The following PKIG variants were observed in gnomAD, a reference collection of about 807,000 sequenced individuals.
PKIG encodes protein kinase (cAMP-dependent, catalytic) inhibitor gamma.
In PKIG, 1 loss-of-function variant was observed where a neutral mutation model predicts 6.8. The ratio of observed to expected loss-of-function variants is 0.15; its 90% CI spans 0.05 to 0.69. The LOEUF is 0.69. Ranked by LOEUF, PKIG falls within the 30% of genes least tolerant of loss-of-function variation. The pLI is 0.82. For synonymous variants in PKIG, 39 were observed against 43.0 expected (o/e 0.91, Z 0.36); for missense variants, 77 against 104.0 (o/e 0.74, Z 1.13).
intron 1 of PKIG, among the ~76,000 whole-genome samples, chr20:44,552,462 A>C (rs1431762695): frequency 6.6e-6 from 1 of 152,100 alleles, no homozygotes. Flanking sequence ...CTTTCTTGAT[A>C]ATTGGAGTAG....
chr20:44,558,069 A>T (rs959109601), intron 1 of PKIG, among the ~76,000 whole-genome samples: 16 of 151,340 alleles, frequency 1.1e-4, no homozygotes, highest in South Asian at 4.1e-4. Flanking sequence ...TAATATTTTT[A>T]AAAAGGACAA....
chr20:44,532,243 C>T (rs1405802673), intron 1 of PKIG, among the ~76,000 whole-genome samples: 1 of 152,170 alleles, frequency 6.6e-6, no homozygotes, highest in East Asian at 1.9e-4. Flanking sequence ...AAAATCCCTT[C>T]TTGTTTGGGG....
At chr20:44,562,691 C>G (rs1273004891) in intron 1 of PKIG, among the ~76,000 whole-genome samples, 1 of 149,106 alleles carries the variant, frequency 6.7e-6, no homozygotes, top group African/African-American at 2.5e-5. Flanking sequence ...ACTATGAATA[C>G]TATGAATAAT....
chr20:44,587,717 A>T (rs1032890825), intron 1 of PKIG, among the ~76,000 whole-genome samples: 1 of 152,130 alleles, frequency 6.6e-6, no homozygotes, highest in Admixed American at 6.5e-5. Flanking sequence ...TCTGTTTTTG[A>T]ATAAGGGCCT....
At chr20:44,618,221 A>T in intron 3 of PKIG, 64 bp from the exon 4 acceptor site, 1 of 1,084,314 alleles carries the variant, frequency 9.2e-7, no homozygotes, top group East Asian at 2.4e-5. Context: ...GCCCTTTCAC[A>T]CCTCCTTCTG....
At chr20:44,563,059 A>G (rs2064781231) in intron 1 of PKIG, among the ~76,000 whole-genome samples, 1 of 152,208 alleles carries the variant, frequency 6.6e-6, no homozygotes, top group Non-Finnish European at 1.5e-5. Context: ...AAAAAAAAAC[A>G]GAAACCAAAT....
At chr20:44,550,756 G>GGA in intron 1 of PKIG, among the ~76,000 whole-genome samples, 2 of 152,174 alleles carry the variant, frequency 1.3e-5, no homozygotes, top group Non-Finnish European at 2.9e-5. Flanking sequence ...AACTGAGGCA[G>GGA]AGAGCGGGAC....
chr20:44,599,192 C>G (rs2065099342), intron 2 of PKIG, among the ~76,000 whole-genome samples: 1 of 152,082 alleles, frequency 6.6e-6, no homozygotes, highest in Non-Finnish European at 1.5e-5. Flanking sequence ...AAAAGAAGGT[C>G]AGAAAAGGGA....
chr20:44,552,030 G>A (rs1325150432), intron 1 of PKIG, among the ~76,000 whole-genome samples: 2 of 152,212 alleles, frequency 1.3e-5, no homozygotes, highest in Non-Finnish European at 2.9e-5. Flanking sequence ...AAAGGGACTT[G>A]AAGCAGACTC....
intron 2 of PKIG, among the ~76,000 whole-genome samples, chr20:44,595,774 A>G (rs1412545380): frequency 6.6e-6 from 1 of 152,084 alleles, no homozygotes; most frequent in Non-Finnish European, 1.5e-5. Flanking sequence ...GGCCTCCCAA[A>G]GTGCTGGGAT....
At chr20:44,610,492 T>TCACACACA (rs1568835327) in intron 2 of PKIG, among the ~76,000 whole-genome samples, 14 of 116,048 alleles carry the variant, frequency 1.2e-4, no homozygotes, top group African/African-American at 5.4e-4. Flanking sequence ...CTCTTCTCTC[T>TCACACACA]CTCTCTCTCA....
intron 3 of PKIG, among the ~76,000 whole-genome samples, chr20:44,617,840 T>C (rs1600910082): frequency 6.6e-6 from 1 of 151,846 alleles, no homozygotes; most frequent in African/African-American, 2.4e-5. Context: ...AGGTCAGGAG[T>C]TTGAGACCAG....
At chr20:44,532,257 A>G (rs945675171) in intron 1 of PKIG, among the ~76,000 whole-genome samples, 24 of 152,218 alleles carry the variant, frequency 1.6e-4, no homozygotes, top group African/African-American at 5.3e-4. Flanking sequence ...TTTGGGGGCC[A>G]GAAAATAACT....
At chr20:44,558,985 AC>A (rs2064743975) in intron 1 of PKIG, among the ~76,000 whole-genome samples, 1 of 152,072 alleles carries the variant, frequency 6.6e-6, no homozygotes, top group Admixed American at 6.6e-5. Flanking sequence ...ATCACTTATC[AC>A]CTAAAGAATG....
intron 2 of PKIG, among the ~76,000 whole-genome samples, chr20:44,603,796 G>A (rs1413383661): frequency 6.6e-6 from 1 of 152,106 alleles, no homozygotes; most frequent in Non-Finnish European, 1.5e-5. Context: ...GATAGGTCAT[G>A]GGCTGTTGGA....
chr20:44,557,273 C>A (rs2064721103), intron 1 of PKIG, among the ~76,000 whole-genome samples: 1 of 152,102 alleles, frequency 6.6e-6, no homozygotes, highest in South Asian at 2.1e-4. Flanking sequence ...CCTGTAATCC[C>A]AGCACTTCGG....
upstream of PKIG, among the ~76,000 whole-genome samples, chr20:44,581,172 C>T (rs1158210292): frequency 6.6e-6 from 1 of 152,176 alleles, no homozygotes; most frequent in Non-Finnish European, 1.5e-5. Flanking sequence ...GGGCATGTCA[C>T]CTAACTTCTC....
chr20:44,575,781 G>C (rs2064891774), intron 1 of PKIG, among the ~76,000 whole-genome samples: 1 of 152,182 alleles, frequency 6.6e-6, no homozygotes, highest in Non-Finnish European at 1.5e-5. Flanking sequence ...GTTCTGCAGA[G>C]CTTTTGGGCC....
intron 2 of PKIG, among the ~76,000 whole-genome samples, chr20:44,595,607 G>C (rs2065068971): frequency 6.6e-6 from 1 of 152,146 alleles, no homozygotes; most frequent in South Asian, 2.1e-4. Context: ...TCCGCCTCCT[G>C]GGTTCAAGCA....
Sources: gnomAD v4.1 joint callset for allele counts (sites outside exome capture counted in the v4.1 genomes callset) on GRCh38, gnomAD v4.1.1 for gene constraint, MANE v1.5 for transcripts, NCBI Gene and HGNC (gene_info 2026-07-23, HGNC 2026-07-21) for gene names.